Variants in MCTP1 observed in about 807,000 individuals in gnomAD.
MCTP1 encodes multiple C2 and transmembrane domain-containing protein 1.
Under a neutral mutation model 120.6 loss-of-function variants are expected in MCTP1, and 69 were observed. The observed-to-expected ratio is 0.57, with a 90% CI of 0.47 to 0.70. The LOEUF is 0.70. MCTP1 is among the 30% of genes least tolerant of loss of function. The pLI, the probability that MCTP1 is intolerant of heterozygous loss-of-function variation, is 0.00. For synonymous variants in MCTP1, 529 were observed against 493.1 expected, an observed-to-expected ratio of 1.07 and a Z score of -0.96; for missense variants, 1,203 against 1,248.8, an observed-to-expected ratio of 0.96 and a Z score of 0.55.
intron 11 of MCTP1, among the ~76,000 whole-genome samples, chr5:94,891,157 A>G (rs1001727867): frequency 3.3e-5 from 5 of 151,698 alleles, no homozygotes; most frequent in African/African-American, 1.2e-4. Flanking sequence ...ACTTTTTATA[A>G]GAGTGTTTAG....
chr5:95,147,829 G>C (rs371818502), intron 1 of MCTP1, among the ~76,000 whole-genome samples: 3 of 152,284 alleles, frequency 2.0e-5, no homozygotes, highest in East Asian at 3.9e-4. Flanking sequence ...TTTTGTGGTA[G>C]CAAGTATCAG....
At chr5:95,151,757 C>G (rs1360916518) in intron 1 of MCTP1, among the ~76,000 whole-genome samples, 13 of 152,164 alleles carry the variant, frequency 8.5e-5, no homozygotes, top group Non-Finnish European at 1.2e-4. Context: ...TAACTTTAAG[C>G]AAAATCCTTC....
At chr5:94,982,369 T>C (rs188441505) in intron 2 of MCTP1, among the ~76,000 whole-genome samples, 76 of 152,226 alleles carry the variant, frequency 5.0e-4, no homozygotes, top group Non-Finnish European at 9.3e-4. Context: ...CTAAAATATA[T>C]TTAAGGCAAT....
chr5:94,971,256 T>G (rs1826796788), intron 2 of MCTP1, among the ~76,000 whole-genome samples: 1 of 152,066 alleles, frequency 6.6e-6, no homozygotes, highest in African/African-American at 2.4e-5. Flanking sequence ...TCTAGGAAAC[T>G]AAAAATTACC....
At chr5:94,804,507 C>T (rs904564972) in intron 17 of MCTP1, among the ~76,000 whole-genome samples, 30 of 152,152 alleles carry the variant, frequency 2.0e-4, no homozygotes, top group Non-Finnish European at 3.8e-4. Context: ...GGCGCGATGT[C>T]GGCTCACTGC....
chr5:95,040,750 A>G (rs1159636961), intron 1 of MCTP1, among the ~76,000 whole-genome samples: 1 of 152,180 alleles, frequency 6.6e-6, no homozygotes, highest in African/African-American at 2.4e-5. Context: ...CCCTGGCCAC[A>G]GTGACTGATT....
chr5:95,236,717 C>T (rs1041471900), intron 1 of MCTP1, among the ~76,000 whole-genome samples: 14 of 152,284 alleles, frequency 9.2e-5, no homozygotes, highest in African/African-American at 3.4e-4. Flanking sequence ...CTATTTGTCT[C>T]CCTCCGAAAA....
At position 95,155,321 on chromosome 5, in the gene MCTP1, A is replaced by G. The variant is rs17084497; in HGVS notation, c.720+128535T>C. 5.6e-3 allele frequency among the ~76,000 whole-genome samples: 847 copies of G among 152,306 alleles called. 19 individuals carry two copies. The East Asian group carries it at 0.072, about 13-fold the overall frequency. ...GAAACATCAAGTATACAATTTATGGACAATCAGGCTGGGTACATTCCTTAT... is the reference window on the plus strand; with the variant it reads ...GAAACATCAAGTATACAATTTATGGGCAATCAGGCTGGGTACATTCCTTAT... On this transcript the variant is annotated intron_variant, in intron 1 of 22. Transcript: ENST00000515393.
intron 3 of MCTP1, among the ~76,000 whole-genome samples, chr5:94,947,280 A>T (rs1021464179): frequency 1.1e-4 from 16 of 151,868 alleles, no homozygotes; most frequent in Admixed American, 3.3e-4. Flanking sequence ...GGATGTACGG[A>T]TAATTTGGCC....
At chr5:94,807,814 A>C (rs1455451807) in intron 17 of MCTP1, among the ~76,000 whole-genome samples, 1 of 152,220 alleles carries the variant, frequency 6.6e-6, no homozygotes, top group Non-Finnish European at 1.5e-5. Context: ...AAATGCTAAA[A>C]GCACTCCTCT....
intron 6 of MCTP1, among the ~76,000 whole-genome samples, chr5:94,925,823 T>C (rs1459770610): frequency 6.6e-6 from 1 of 152,154 alleles, no homozygotes; most frequent in African/African-American, 2.4e-5. Flanking sequence ...GAAAGATGAA[T>C]TGTTAAACTG....
chr5:94,712,581 A>T (rs921591367), intron 20 of MCTP1, among the ~76,000 whole-genome samples: 2 of 151,900 alleles, frequency 1.3e-5, no homozygotes, highest in Non-Finnish European at 2.9e-5. Flanking sequence ...GTTTCCTAAA[A>T]TTTTTTTCTA....
At chr5:95,039,405 G>C (rs1342225036) in intron 1 of MCTP1, among the ~76,000 whole-genome samples, 2 of 152,184 alleles carry the variant, frequency 1.3e-5, no homozygotes, top group African/African-American at 4.8e-5. Flanking sequence ...TCACCTGAGT[G>C]CAAGTGTGTG....
chr5:94,978,835 G>A (rs1455096726), intron 2 of MCTP1: 1 of 152,132 alleles, frequency 6.6e-6, no homozygotes, highest in South Asian at 2.1e-4. Context: ...TGTTAAGAGT[G>A]TAGATCTCAT....
intron 2 of MCTP1, among the ~76,000 whole-genome samples, chr5:94,994,596 A>G (rs1832244930): frequency 6.6e-6 from 1 of 152,112 alleles, no homozygotes; most frequent in African/African-American, 2.4e-5. Context: ...GCAAGTGATT[A>G]TCTGTAGTGT....
intron 17 of MCTP1, chr5:94,867,042 C>T (rs1475347235): frequency 3.3e-6 from 1 of 304,724 alleles, no homozygotes; most frequent in Non-Finnish European, 5.7e-6. Context: ...CCCCATAAAA[C>T]CTGGAAGTAA....
chr5:94,714,337 AAT>A (rs770608894), intron 20 of MCTP1, among the ~76,000 whole-genome samples: 185 of 152,274 alleles, frequency 1.2e-3, no homozygotes, highest in Admixed American at 1.9e-3. Context: ...GGGTACCATA[AAT>A]ATGATTAATT....
At position 94,826,606 on chromosome 5, in the gene MCTP1, G is replaced by A. The variant is rs560293388; in HGVS notation, c.2437-27474C>T. The stretch of plus-strand genomic sequence containing the variant: ...GGGCAAACTTCTTTCTCAGGCTCTT[G>A]ATCTTCAGCTCTGCAAAATTCCTTC... On this transcript the variant is annotated intron_variant, in intron 17 of 22. Coordinates refer to ENST00000515393, the MANE Select transcript of MCTP1 (RefSeq NM_024717.7). 9.9e-5 allele frequency: 76 copies of A among 769,554 alleles called. 1 individual carries two copies. In the Middle Eastern group the frequency reaches 1.5e-3, roughly 15 times the overall value. 47.7% of individuals were successfully genotyped at this position (769,554 alleles called of 1,614,324 possible).
intron 7 of MCTP1, among the ~76,000 whole-genome samples, chr5:94,922,997 C>CAAAA (rs202245253): frequency 2.3e-4 from 23 of 99,530 alleles, no homozygotes; most frequent in Non-Finnish European, 3.8e-4. Context: ...TAAAAAGCTG[C>CAAAA]AAAAAAAAAA....
Sources: gnomAD v4.1 joint callset for allele counts (sites outside exome capture counted in the v4.1 genomes callset) on GRCh38, gnomAD v4.1.1 for gene constraint, MANE v1.5 for transcripts, NCBI Gene and HGNC (gene_info 2026-07-23, HGNC 2026-07-21) for gene names.